The following CA10 variants were observed in gnomAD, a reference collection of about 807,000 sequenced individuals.
The protein encoded by CA10 is carbonic anhydrase 10 (inactive), also known as carbonic anhydrase-related protein 10.
CA10 carries 14 observed loss-of-function variants against 44.2 expected under a neutral mutation model. The ratio of observed to expected loss-of-function variants is 0.32; its 90% CI spans 0.21 to 0.50. The LOEUF (loss-of-function observed/expected upper bound fraction) is 0.50, where lower values mean the gene tolerates loss of function less well. CA10 is among the 20% of genes least tolerant of loss of function. The pLI is 0.99. For missense variants in CA10, 350 were observed against 409.7 expected (o/e 0.85, Z 1.26); for synonymous variants, 159 against 141.6 (o/e 1.12, Z -0.87).
intron 4 of CA10, among the ~76,000 whole-genome samples, chr17:51,657,837 C>A (rs1358669866): frequency 6.6e-6 from 1 of 152,164 alleles, no homozygotes; most frequent in Non-Finnish European, 1.5e-5. Flanking sequence ...ACAATGAGAG[C>A]AAACTCTTCG....
chr17:51,999,687 G>A (rs2035685478), intron 2 of CA10, among the ~76,000 whole-genome samples: 1 of 152,020 alleles, frequency 6.6e-6, no homozygotes, highest in African/African-American at 2.4e-5. Flanking sequence ...GCTGGGTATG[G>A]TGAGAGACTG....
chr17:51,801,932 T>A (rs954278944), intron 3 of CA10, among the ~76,000 whole-genome samples: 1 of 152,198 alleles, frequency 6.6e-6, no homozygotes, highest in African/African-American at 2.4e-5. Flanking sequence ...AGAGAACAAT[T>A]ACTGATAGAC....
chr17:52,061,212 C>T (rs1204076325), intron 2 of CA10, among the ~76,000 whole-genome samples: 2 of 152,020 alleles, frequency 1.3e-5, no homozygotes, highest in African/African-American at 2.4e-5. Flanking sequence ...GGGCCAAATG[C>T]AATCACAAAC....
chr17:51,912,475 G>A (rs1981828210), intron 3 of CA10, among the ~76,000 whole-genome samples: 1 of 152,004 alleles, frequency 6.6e-6, no homozygotes, highest in African/African-American at 2.4e-5. Flanking sequence ...TCACTACCAA[G>A]CAAATGGCAA....
intron 2 of CA10, among the ~76,000 whole-genome samples, chr17:51,953,442 C>T (rs553050983): frequency 2.7e-5 from 4 of 149,658 alleles, no homozygotes; most frequent in Admixed American, 1.4e-4. Flanking sequence ...AGGAATAGTC[C>T]CTGGATATTT....
intron 2 of CA10, among the ~76,000 whole-genome samples, chr17:51,961,188 A>AACACACACACACAC (rs71149387): frequency 2.8e-5 from 4 of 145,004 alleles, no homozygotes; most frequent in South Asian, 2.2e-4. Flanking sequence ...TGTACACACA[A>AACACACACACACAC]ACACACACAC....
At chr17:52,042,600 T>C (rs1986802230) in intron 2 of CA10, among the ~76,000 whole-genome samples, 1 of 152,022 alleles carries the variant, frequency 6.6e-6, no homozygotes, top group African/African-American at 2.4e-5. Flanking sequence ...GATTTTAGTT[T>C]TATGTAGTCC....
At chr17:51,759,732 A>T (rs1198066981) in intron 3 of CA10, among the ~76,000 whole-genome samples, 1 of 151,960 alleles carries the variant, frequency 6.6e-6, no homozygotes, top group Non-Finnish European at 1.5e-5. Context: ...GCTTCCTTTG[A>T]TGTTCATTTG....
chr17:51,870,559 G>A (rs1448920561), intron 3 of CA10, among the ~76,000 whole-genome samples: 1 of 152,158 alleles, frequency 6.6e-6, no homozygotes, highest in Non-Finnish European at 1.5e-5. Context: ...TGTTCTTTCA[G>A]GCATGGAATA....
chr17:51,671,609 T>TTTAC (rs1914427800), intron 4 of CA10, among the ~76,000 whole-genome samples: 3 of 152,102 alleles, frequency 2.0e-5, no homozygotes, highest in African/African-American at 7.2e-5. Context: ...TTTCACCGTG[T>TTTAC]TAGCCAGGAT....
intron 4 of CA10, among the ~76,000 whole-genome samples, chr17:51,714,358 G>C (rs1334664921): frequency 6.6e-6 from 1 of 152,176 alleles, no homozygotes; most frequent in Non-Finnish European, 1.5e-5. Context: ...TTTCACCTTT[G>C]TCACCTGTAA....
At chr17:52,108,557 G>T (rs1229392452) in intron 1 of CA10, among the ~76,000 whole-genome samples, 1 of 151,768 alleles carries the variant, frequency 6.6e-6, no homozygotes, top group Non-Finnish European at 1.5e-5. Flanking sequence ...AAAATTAGCT[G>T]GGCGTGGTGG....
At chr17:51,661,632 T>C (rs1415210110) in intron 4 of CA10, 1 of 152,220 alleles carries the variant, frequency 6.6e-6, no homozygotes, top group East Asian at 1.9e-4. Context: ...CAATAGATAA[T>C]ACAGCCTTCA....
chr17:51,876,163 T>G (rs1980067068), intron 3 of CA10, among the ~76,000 whole-genome samples: 3 of 115,214 alleles, frequency 2.6e-5, no homozygotes, highest in East Asian at 2.1e-4. Flanking sequence ...TTCTCTCGTT[T>G]TTTTTTTTTT....
chr17:51,759,805 T>C (rs1406094365), intron 3 of CA10, among the ~76,000 whole-genome samples: 1 of 152,162 alleles, frequency 6.6e-6, no homozygotes, highest in Non-Finnish European at 1.5e-5. Flanking sequence ...AGTGACTTTT[T>C]TTTTATCCTT....
intron 3 of CA10, among the ~76,000 whole-genome samples, chr17:51,830,963 T>C (rs1207447874): frequency 6.6e-6 from 1 of 152,010 alleles, no homozygotes; most frequent in Non-Finnish European, 1.5e-5. Context: ...TGGCAAAAAC[T>C]GCAGTTACTT....
chr17:52,143,847 T>G (rs1014147663), intron 1 of CA10, among the ~76,000 whole-genome samples: 3 of 152,168 alleles, frequency 2.0e-5, no homozygotes, highest in Non-Finnish European at 2.9e-5. Flanking sequence ...TGGGAAAAGC[T>G]CTAAAGCAGG....
chr17:51,792,728 C>G (rs768784788), intron 3 of CA10, among the ~76,000 whole-genome samples: 1 of 152,188 alleles, frequency 6.6e-6, no homozygotes, highest in Non-Finnish European at 1.5e-5. Context: ...AGTGAGGAGT[C>G]ATAAATCATG....
intron 3 of CA10, among the ~76,000 whole-genome samples, chr17:51,794,384 A>T (rs1464571401): frequency 1.3e-5 from 2 of 152,178 alleles, no homozygotes; most frequent in Non-Finnish European, 2.9e-5. Context: ...TGAAGGTCAT[A>T]TAGCTAATTG....
Sources: gnomAD v4.1 joint callset for allele counts (sites outside exome capture counted in the v4.1 genomes callset) on GRCh38, gnomAD v4.1.1 for gene constraint, MANE v1.5 for transcripts, NCBI Gene and HGNC (gene_info 2026-07-23, HGNC 2026-07-21) for gene names.